The following KDM4C variants were observed in gnomAD, a reference collection of about 807,000 sequenced individuals.
KDM4C encodes the protein lysine demethylase 4C, also known as lysine-specific demethylase 4C.
Under a neutral mutation model 129.3 loss-of-function variants are expected in KDM4C, and 81 were observed. The observed-to-expected ratio is 0.63, with a 90% CI of 0.52 to 0.75. The LOEUF (loss-of-function observed/expected upper bound fraction) is 0.75, where lower values mean the gene tolerates loss of function less well. Among genes scored for constraint, KDM4C ranks in the 30% least tolerant of loss-of-function variants. KDM4C has a pLI of 0.00. For synonymous variants in KDM4C, 573 were observed against 456.1 expected (o/e 1.26, Z -3.26); for missense variants, 1,457 against 1,304.0 (o/e 1.12, Z -1.81).
intron 17 of KDM4C, among the ~76,000 whole-genome samples, chr9:7,057,432 G>GA (rs1216806327): frequency 6.6e-6 from 1 of 152,232 alleles, no homozygotes; most frequent in Admixed American, 6.5e-5. Context: ...GGTTGAGATG[G>GA]AGAGTACAGG....
At chr9:7,000,550 A>G (rs765177910) in intron 12 of KDM4C, among the ~76,000 whole-genome samples, 2 of 152,224 alleles carry the variant, frequency 1.3e-5, no homozygotes, top group Admixed American at 1.3e-4. Context: ...AAAGTCCTGT[A>G]GAAAACTACC....
In KDM4C at chr9:7,157,634, C is replaced by T. The variant is rs1177596770; in HGVS notation, c.2782-7604C>T. Among the ~76,000 whole-genome samples the T allele has an allele frequency of 1.3e-5, 2 of 152,150 alleles. 1 individual carries two copies. Among genetic ancestry groups the T allele is most frequent in the Non-Finnish European group, 2.9e-5 (2 of 68,032 alleles). On this transcript the variant is annotated intron_variant, in intron 19 of 21. Transcript: ENST00000381309. ...AATCGTGTGGTTTTTGTCATTGGTT[C>T]TGTTTATGTGATGGATTACATTTAT...
intron 17 of KDM4C, among the ~76,000 whole-genome samples, chr9:7,060,982 A>G (rs561535857): frequency 6.6e-6 from 1 of 152,266 alleles, no homozygotes; most frequent in Admixed American, 6.5e-5. Context: ...GTCTGTCTGT[A>G]TCTCTCAATC....
chr9:7,160,965 T>A lies in KDM4C; in HGVS notation c.2782-4273T>A, dbSNP rs1264703043. ...TGGAGTCTAGAGGCAGTGGGCCTTG[T>A]TGAGCTGCGGTGGGCTCCACCCAGT... On this transcript the variant is annotated intron_variant, in intron 19 of 21. Coordinates refer to ENST00000381309, the MANE Select transcript of KDM4C (RefSeq NM_015061.6). 3.0e-5 allele frequency among the ~76,000 whole-genome samples: 3 copies of A among 100,856 alleles called. No individual in the cohort carries two copies. The South Asian group carries it at 7.5e-4, about 25-fold the overall frequency. The allele number at this position is 100,856 out of a possible 152,430, so 66.2% of individuals were successfully genotyped here. A position where few individuals can be genotyped will look rare whatever the true frequency, so the allele number is the denominator to read the frequency against.
intron 15 of KDM4C, among the ~76,000 whole-genome samples, chr9:7,031,168 T>TTATGTATG (rs142715829): frequency 0.029 from 2,270 of 78,674 alleles, 64 homozygotes; most frequent in African/African-American, 0.097. Flanking sequence ...ATTTATTTAT[T>TTATGTATG]TATGTATGTT....
intron 8 of KDM4C, among the ~76,000 whole-genome samples, chr9:6,940,140 G>A (rs1016087705): frequency 6.6e-6 from 1 of 151,812 alleles, no homozygotes; most frequent in South Asian, 2.1e-4. Flanking sequence ...CACCCAGGCT[G>A]GAGTGCAGTG....
At chr9:7,034,842 C>T (rs1827361064) in intron 15 of KDM4C, among the ~76,000 whole-genome samples, 1 of 152,112 alleles carries the variant, frequency 6.6e-6, no homozygotes, top group African/African-American at 2.4e-5. Flanking sequence ...GTATTTGTTA[C>T]TTTTTGTCAT....
chr9:6,882,133 C>G (rs1158831176), intron 6 of KDM4C, among the ~76,000 whole-genome samples: 1 of 152,204 alleles, frequency 6.6e-6, no homozygotes, highest in East Asian at 1.9e-4. Flanking sequence ...CGCCCTTCAG[C>G]TGCTTTCTTA....
At chr9:7,067,735 G>GTCGTCTTTAGCTCCATGCCACT (rs1344891592) in intron 17 of KDM4C, among the ~76,000 whole-genome samples, 1 of 151,998 alleles carries the variant, frequency 6.6e-6, no homozygotes, top group African/African-American at 2.4e-5. Flanking sequence ...CAAAATGAAA[G>GTCGTCTTTAGCTCCATGCCACT]TCGTCTTTAG....
intron 4 of KDM4C, chr9:6,834,761 A>G (rs1439814006): frequency 2.6e-6 from 3 of 1,142,746 alleles, no homozygotes; most frequent in East Asian, 2.3e-5. Flanking sequence ...GGAGCATCCC[A>G]TGCTGCTGAC....
chr9:7,135,261 A>G (rs527960554), intron 19 of KDM4C, among the ~76,000 whole-genome samples: 1 of 152,234 alleles, frequency 6.6e-6, no homozygotes, highest in Non-Finnish European at 1.5e-5. Flanking sequence ...TTCTTCAAAT[A>G]TATACCTCCC....
At chr9:7,076,728 G>A in intron 17 of KDM4C, 1 of 1,200,474 alleles carries the variant, frequency 8.3e-7, no homozygotes, top group Non-Finnish European at 1.0e-6. Flanking sequence ...TTCCTATGTG[G>A]GGTAAAATGA....
chr9:6,722,203 T>A (rs1816978287), intron 1 of KDM4C, among the ~76,000 whole-genome samples: 1 of 152,012 alleles, frequency 6.6e-6, no homozygotes, highest in African/African-American at 2.4e-5. Flanking sequence ...GTGGGCCAGG[T>A]TAAGGGCTGT....
intron 17 of KDM4C, among the ~76,000 whole-genome samples, chr9:7,055,228 A>G (rs896348141): frequency 2.0e-5 from 3 of 152,218 alleles, no homozygotes; most frequent in Non-Finnish European, 4.4e-5. Context: ...TCACAAATGC[A>G]TCCGTCCTCA....
chr9:6,732,098 T>G (rs1010749165), intron 1 of KDM4C, among the ~76,000 whole-genome samples: 3 of 151,990 alleles, frequency 2.0e-5, no homozygotes, highest in Non-Finnish European at 2.9e-5. Context: ...CTGGGTGTGG[T>G]GGCTCACATC....
chr9:6,797,443 CATTT>C (rs1827953271), intron 2 of KDM4C, among the ~76,000 whole-genome samples: 1 of 152,072 alleles, frequency 6.6e-6, no homozygotes, highest in South Asian at 2.1e-4. Flanking sequence ...TTAAATTTAA[CATTT>C]ATTTTTTGAG....
At chr9:6,807,037 T>C (rs1169566725) in intron 3 of KDM4C, among the ~76,000 whole-genome samples, 1 of 152,130 alleles carries the variant, frequency 6.6e-6, no homozygotes, top group South Asian at 2.1e-4. Context: ...TGCCTGCGAT[T>C]GCAGGCACGC....
chr9:7,120,802 A>G (rs1839408003), intron 18 of KDM4C, among the ~76,000 whole-genome samples: 1 of 152,198 alleles, frequency 6.6e-6, no homozygotes, highest in Non-Finnish European at 1.5e-5. Flanking sequence ...TGAAGAATAA[A>G]TGTTGGAGAT....
chr9:6,957,582 C>T (rs1166360655), intron 8 of KDM4C, among the ~76,000 whole-genome samples: 2 of 152,126 alleles, frequency 1.3e-5, no homozygotes, highest in African/African-American at 2.4e-5. Flanking sequence ...AGGTCACCAC[C>T]ACCACCATAA....
Sources: gnomAD v4.1 joint callset for allele counts (sites outside exome capture counted in the v4.1 genomes callset) on GRCh38, gnomAD v4.1.1 for gene constraint, MANE v1.5 for transcripts, NCBI Gene and HGNC (gene_info 2026-07-23, HGNC 2026-07-21) for gene names.